The following ADAMTS2 variants were observed in gnomAD, a reference collection of about 807,000 sequenced individuals.
ADAMTS2 encodes ADAM metallopeptidase with thrombospondin type 1 motif 2.
ADAMTS2 carries 50 observed loss-of-function variants against 123.0 expected under a neutral mutation model. That is an observed-to-expected ratio of 0.41 (90% CI 0.32 to 0.51). The LOEUF (loss-of-function observed/expected upper bound fraction) is 0.51, where lower values mean the gene tolerates loss of function less well. Ranked by LOEUF, ADAMTS2 falls within the 20% of genes least tolerant of loss-of-function variation. The pLI, the probability that ADAMTS2 is intolerant of heterozygous loss-of-function variation, is 0.35. For missense variants in ADAMTS2, 1,494 were observed against 1,705.2 expected, an observed-to-expected ratio of 0.88 and a Z score of 2.18; for synonymous variants, 678 against 695.4, an observed-to-expected ratio of 0.98 and a Z score of 0.39.
intron 3 of ADAMTS2, among the ~76,000 whole-genome samples, chr5:179,252,009 CTTTT>C (rs200457965): frequency 7.4e-6 from 1 of 135,760 alleles, no homozygotes. Context: ...TTTTTCTTTT[CTTTT>C]TTTTTTTTTT....
At chr5:179,142,466 G>C (rs1763187085) in intron 10 of ADAMTS2, among the ~76,000 whole-genome samples, 1 of 152,206 alleles carries the variant, frequency 6.6e-6, no homozygotes, top group Non-Finnish European at 1.5e-5. Context: ...GAAAGGTCTA[G>C]AATTTAATTA....
chr5:179,113,677 G>T lies in ADAMTS2; in HGVS notation c.*190C>A. The T allele has an allele frequency of 1.5e-6, 1 of 649,292 alleles. No individual in the cohort carries two copies. Among genetic ancestry groups the T allele is most frequent in the Admixed American group, 2.6e-5 (1 of 39,172 alleles). The allele number at this position is 649,292 out of a possible 1,614,324, so 40.2% of individuals were successfully genotyped here. A position where few individuals can be genotyped will look rare whatever the true frequency, so the allele number is the denominator to read the frequency against. On this transcript the variant is annotated 3_prime_UTR_variant, in exon 22 of 22. Transcript: ENST00000251582. ...CAGTATTTGGTCGCTCCTGGGCTGG[G>T]AAGCACACGTGCTAACCTAGTTACC...
At chr5:179,193,698 G>A (rs1764357376) in intron 4 of ADAMTS2, among the ~76,000 whole-genome samples, 1 of 152,224 alleles carries the variant, frequency 6.6e-6, no homozygotes, top group African/African-American at 2.4e-5. Context: ...GATTTACTGA[G>A]CACCTACTAC....
In ADAMTS2 at chr5:179,212,230, T is replaced by G. The variant is rs567360523; in HGVS notation, c.689-4515A>C. Among the ~76,000 whole-genome samples the G allele has an allele frequency of 2.1e-5, 3 of 144,216 alleles. 1 individual carries two copies. The highest frequency in any genetic ancestry group is 4.5e-5 in the Non-Finnish European group (3 of 67,374). The allele number at this position is 144,216 out of a possible 152,430, so 94.6% of individuals were successfully genotyped here. On this transcript the variant is annotated intron_variant, in intron 3 of 21. Coordinates refer to ENST00000251582, the MANE Select transcript of ADAMTS2 (RefSeq NM_014244.5). ...GTGTGGGATCTGTGGGCAGGTGCAGTGGGCAGGCACGGGCTCTGTGGGCAG... is the reference window on the plus strand; with the variant it reads ...GTGTGGGATCTGTGGGCAGGTGCAGGGGGCAGGCACGGGCTCTGTGGGCAG...
intron 5 of ADAMTS2, among the ~76,000 whole-genome samples, chr5:179,173,260 A>G (rs984401386): frequency 2.6e-5 from 4 of 151,424 alleles, no homozygotes; most frequent in African/African-American, 9.7e-5. Context: ...AACCATGCTC[A>G]TCATATTGAA....
At chr5:179,139,561 A>AC (rs35637881) in intron 11 of ADAMTS2, among the ~76,000 whole-genome samples, 1 of 151,238 alleles carries the variant, frequency 6.6e-6, no homozygotes, top group Non-Finnish European at 1.5e-5. Context: ...CTGAGAGACC[A>AC]CCCCCGCTTA....
chr5:179,261,498 G>A (rs1223367214), intron 3 of ADAMTS2, among the ~76,000 whole-genome samples: 1 of 152,286 alleles, frequency 6.6e-6, no homozygotes, highest in Non-Finnish European at 1.5e-5. Flanking sequence ...GAGCGCGTCT[G>A]GGCTGGCTCA....
intron 2 of ADAMTS2, among the ~76,000 whole-genome samples, chr5:179,310,934 T>A (rs1036444663): frequency 2.6e-5 from 4 of 151,916 alleles, no homozygotes; most frequent in African/African-American, 4.8e-5. Flanking sequence ...CAACCCCACC[T>A]GCCCCTGCCT....
chr5:179,281,049 G>A (rs148235552), intron 2 of ADAMTS2, among the ~76,000 whole-genome samples: 1,662 of 152,206 alleles, frequency 0.011, 34 homozygotes, highest in African/African-American at 0.038. Context: ...GTAGAGATGG[G>A]GTTTCACCAT....
intron 2 of ADAMTS2, among the ~76,000 whole-genome samples, chr5:179,284,458 T>G (rs535688820): frequency 6.6e-6 from 1 of 151,928 alleles, no homozygotes; most frequent in East Asian, 2.0e-4. Context: ...CTGAGCTCAG[T>G]TCACTGAGAC....
chr5:179,211,857 C>T (rs1051103780), intron 3 of ADAMTS2, among the ~76,000 whole-genome samples: 7 of 152,180 alleles, frequency 4.6e-5, no homozygotes, highest in African/African-American at 1.7e-4. Context: ...CAGCTCCATA[C>T]CCCCAGCAGC....
chr5:179,271,500 C>T (rs531188616), intron 3 of ADAMTS2, among the ~76,000 whole-genome samples: 3 of 152,360 alleles, frequency 2.0e-5, no homozygotes, highest in South Asian at 2.1e-4. Flanking sequence ...GCCCTGCCCC[C>T]GGGTCTGGAG....
intron 2 of ADAMTS2, among the ~76,000 whole-genome samples, chr5:179,316,611 A>T (rs1364670469): frequency 6.6e-6 from 1 of 152,206 alleles, no homozygotes; most frequent in Non-Finnish European, 1.5e-5. Flanking sequence ...CCAGTCCAGC[A>T]AGGCCCAGGG....
At chr5:179,313,492 A>G (rs368970164) in intron 2 of ADAMTS2, among the ~76,000 whole-genome samples, 2 of 422 alleles carry the variant, frequency 4.7e-3, no homozygotes, top group African/African-American at 0.011. Context: ...GGGCCTGGCC[A>G]GAGCAGGGGT....
At chr5:179,176,255 C>A in intron 5 of ADAMTS2, among the ~76,000 whole-genome samples, 1 of 152,256 alleles carries the variant, frequency 6.6e-6, no homozygotes, top group South Asian at 2.1e-4. Context: ...GGGGCCGTCA[C>A]GCCCTTGCCC....
chr5:179,252,832 A>G (rs971323134), intron 3 of ADAMTS2, among the ~76,000 whole-genome samples: 1 of 152,248 alleles, frequency 6.6e-6, no homozygotes, highest in African/African-American at 2.4e-5. Flanking sequence ...TCCAACACCA[A>G]TTGGAAAAAA....
chr5:179,236,851 T>C lies in ADAMTS2; in HGVS notation c.689-29136A>G, dbSNP rs1159397083. 2.0e-5 allele frequency among the ~76,000 whole-genome samples: 3 copies of C among 152,138 alleles called. No homozygotes were observed. In the South Asian group the frequency reaches 6.2e-4, roughly 32 times the overall value. ...GACTGAATATTTGTACCCCCAAAATTCATATGTTGAAACCTAATCCCCAGA... is the reference window on the plus strand; with the variant it reads ...GACTGAATATTTGTACCCCCAAAATCCATATGTTGAAACCTAATCCCCAGA... On this transcript the variant is annotated intron_variant, in intron 3 of 21. Coordinates refer to ENST00000251582, the MANE Select transcript of ADAMTS2 (RefSeq NM_014244.5).
chr5:179,210,198 T>G (rs927326645), intron 3 of ADAMTS2, among the ~76,000 whole-genome samples: 7 of 152,180 alleles, frequency 4.6e-5, no homozygotes, highest in Non-Finnish European at 8.8e-5. Context: ...TGCCTGCCAC[T>G]GTCAATGTCA....
chr5:179,283,273 A>G (rs934042972), intron 2 of ADAMTS2, among the ~76,000 whole-genome samples: 1 of 152,184 alleles, frequency 6.6e-6, no homozygotes, highest in African/African-American at 2.4e-5. Flanking sequence ...TTTAACTTTA[A>G]TAAATGGGGG....
Sources: gnomAD v4.1 joint callset for allele counts (sites outside exome capture counted in the v4.1 genomes callset) on GRCh38, gnomAD v4.1.1 for gene constraint, MANE v1.5 for transcripts, NCBI Gene and HGNC (gene_info 2026-07-23, HGNC 2026-07-21) for gene names.